SEL1L2: variants seen among roughly 807,000 people sequenced by gnomAD.
The protein encoded by SEL1L2 is protein sel-1 homolog 2.
A neutral mutation model predicts 98.8 loss-of-function variants in SEL1L2; 89 were observed. That is an observed-to-expected ratio of 0.90 (90% CI 0.76 to 1.07). SEL1L2 has a LOEUF of 1.07. Among genes scored for constraint, SEL1L2 ranks in the 50% least tolerant of loss-of-function variants. The pLI, the probability that SEL1L2 is intolerant of heterozygous loss-of-function variation, is 0.00. For missense variants in SEL1L2, 788 were observed against 812.0 expected, an observed-to-expected ratio of 0.97 and a Z score of 0.36; for synonymous variants, 262 against 278.5, an observed-to-expected ratio of 0.94 and a Z score of 0.59.
chr20:13,938,553 A>G (rs1165000269), intron 2 of SEL1L2, among the ~76,000 whole-genome samples: 1 of 152,196 alleles, frequency 6.6e-6, no homozygotes, highest in African/African-American at 2.4e-5. Flanking sequence ...TAACATATAA[A>G]CATATCTTAT....
At chr20:13,962,348 G>C (rs1453905950) in intron 1 of SEL1L2, among the ~76,000 whole-genome samples, 1 of 152,146 alleles carries the variant, frequency 6.6e-6, no homozygotes, top group Non-Finnish European at 1.5e-5. Flanking sequence ...CAAATTCCAA[G>C]GCTAGTCCTT....
chr20:13,877,486 A>T, intron 11 of SEL1L2, 34 bp downstream of exon 11: 1 of 1,528,654 alleles, frequency 6.5e-7, no homozygotes, highest in Non-Finnish European at 9.0e-7. Flanking sequence ...GGTTTTTAAT[A>T]AATGAAAACA....
chr20:13,875,118 T>C (rs1335179856), intron 12 of SEL1L2, among the ~76,000 whole-genome samples: 3 of 152,208 alleles, frequency 2.0e-5, no homozygotes, highest in Non-Finnish European at 4.4e-5. Flanking sequence ...TGGGATGTGC[T>C]TCGAAGTTCA....
upstream of SEL1L2, among the ~76,000 whole-genome samples, chr20:13,992,084 A>AC (rs2052554506): frequency 6.6e-6 from 1 of 152,194 alleles, no homozygotes; most frequent in Admixed American, 6.5e-5. Flanking sequence ...GAAGCGGCAA[A>AC]CAAAGGTCAG....
chr20:13,935,456 TGGA>T (rs2049405589), intron 2 of SEL1L2, among the ~76,000 whole-genome samples: 1 of 152,014 alleles, frequency 6.6e-6, no homozygotes, highest in African/African-American at 2.4e-5. Flanking sequence ...TGATACAGGG[TGGA>T]GAAGTTCTAT....
At chr20:13,892,345 G>T (rs1268052897) in intron 5 of SEL1L2, among the ~76,000 whole-genome samples, 1 of 151,984 alleles carries the variant, frequency 6.6e-6, no homozygotes. Context: ...AGCTACTTGG[G>T]AAGCTGAGGC....
chr20:13,953,497 T>C (rs186095459), intron 2 of SEL1L2, among the ~76,000 whole-genome samples: 110 of 152,290 alleles, frequency 7.2e-4, no homozygotes, highest in Non-Finnish European at 1.1e-3. Context: ...AGCAGTTAGA[T>C]GTACTTCTGC....
chr20:13,859,471 A>G, intron 17 of SEL1L2, 37 bp from the exon 18 acceptor site: 1 of 1,528,568 alleles, frequency 6.5e-7, no homozygotes, highest in Middle Eastern at 1.7e-4. Context: ...ATCATAACTC[A>G]AATGATTCAT....
intron 18 of SEL1L2, 127 bp downstream of exon 18, chr20:13,859,134 TG>T: frequency 1.3e-6 from 1 of 797,884 alleles, no homozygotes; most frequent in Middle Eastern, 3.5e-4. Context: ...GGGATGGATT[TG>T]GCAAATGTTA....
intron 10 of SEL1L2, among the ~76,000 whole-genome samples, chr20:13,884,257 T>A (rs1027715378): frequency 6.6e-6 from 1 of 152,102 alleles, no homozygotes; most frequent in African/African-American, 2.4e-5. Context: ...CATGTTCCTT[T>A]GAGACAAGGA....
At chr20:13,943,132 C>T (rs1232828438) in intron 2 of SEL1L2, among the ~76,000 whole-genome samples, 1 of 152,158 alleles carries the variant, frequency 6.6e-6, no homozygotes, top group Non-Finnish European at 1.5e-5. Flanking sequence ...TTGGCAAAGC[C>T]ATTGCTTATT....
chr20:13,874,140 G>A (rs866027438), intron 12 of SEL1L2, among the ~76,000 whole-genome samples: 5 of 152,170 alleles, frequency 3.3e-5, no homozygotes, highest in Admixed American at 2.0e-4. Flanking sequence ...TGCTCAGGGC[G>A]CAAGAGAGAA....
rs2052500942 is a variant in SEL1L2, at chr20:13,990,596, G to A, written c.-62C>T. ...CAGAAACTAGGTGATTGGCCCAAGA[G>A]CTCCTCTTCTCAGGGACTGTGGTGG... On this transcript the variant is annotated 5_prime_UTR_variant, in exon 1 of 20. Coordinates refer to ENST00000284951, the MANE Select transcript of SEL1L2 (RefSeq NM_025229.2). The A allele has an allele frequency of 7.6e-7, 1 of 1,309,510 alleles. No homozygotes were observed. The highest frequency in any genetic ancestry group is 1.5e-5 in the African/African-American group (1 of 68,062). 81.1% of individuals were successfully genotyped at this position (1,309,510 alleles called of 1,614,324 possible). A position where few individuals can be genotyped will look rare whatever the true frequency, so the allele number is the denominator to read the frequency against.
intron 1 of SEL1L2, among the ~76,000 whole-genome samples, chr20:13,974,473 C>CTATT (rs1252330288): frequency 3.5e-5 from 3 of 85,286 alleles, no homozygotes; most frequent in African/African-American, 1.2e-4. Flanking sequence ...CTCTCTCTCT[C>CTATT]TCTTTTTTTT....
intron 2 of SEL1L2, among the ~76,000 whole-genome samples, chr20:13,953,899 C>A (rs909465169): frequency 2.6e-5 from 4 of 152,306 alleles, no homozygotes; most frequent in Middle Eastern, 3.4e-3. Context: ...CCTTAGGGGG[C>A]CTCAGTTACT....
intron 1 of SEL1L2, among the ~76,000 whole-genome samples, chr20:13,987,428 C>T (rs1289812945): frequency 6.6e-6 from 1 of 151,628 alleles, no homozygotes; most frequent in East Asian, 1.9e-4. Flanking sequence ...TCACTGTAAC[C>T]TCTGCCTCCG....
intron 1 of SEL1L2, among the ~76,000 whole-genome samples, chr20:13,976,008 G>A (rs564777362): frequency 5.9e-5 from 9 of 151,706 alleles, no homozygotes; most frequent in Non-Finnish European, 1.3e-4. Flanking sequence ...TTGTTTGTTT[G>A]TTTGTTTGTT....
At chr20:13,850,130 T>C (rs532585379) in intron 19 of SEL1L2, 61 bp downstream of exon 19, 1 of 1,599,386 alleles carries the variant, frequency 6.3e-7, no homozygotes, top group African/African-American at 1.3e-5. Flanking sequence ...TGTCACTTTG[T>C]CCCTAAGAGT....
Position 13,987,758 on chromosome 20 carries a change from G to A in SEL1L2, c.58+2719C>T, listed in dbSNP as rs1383023101. Among the ~76,000 whole-genome samples the A allele has an allele frequency of 1.3e-5, 2 of 152,154 alleles. 1 individual carries two copies. Among genetic ancestry groups the A allele is most frequent in the Non-Finnish European group, 2.9e-5 (2 of 68,016 alleles). On this transcript the variant is annotated intron_variant, in intron 1 of 19. Coordinates refer to ENST00000284951, the MANE Select transcript of SEL1L2 (RefSeq NM_025229.2). ...ACCAATGATGTTGAATATCTTTCAT[G>A]TGCTTGGTCATTTGTTCATCTTCTT...
Sources: gnomAD v4.1 joint callset for allele counts (sites outside exome capture counted in the v4.1 genomes callset) on GRCh38, gnomAD v4.1.1 for gene constraint, MANE v1.5 for transcripts, NCBI Gene and HGNC (gene_info 2026-07-23, HGNC 2026-07-21) for gene names.